The following CDH8 variants were observed in gnomAD, a reference collection of about 807,000 sequenced individuals.
CDH8 encodes the protein cadherin-8.
CDH8 carries 17 observed loss-of-function variants against 68.1 expected under a neutral mutation model. That is an observed-to-expected ratio of 0.25 (90% CI 0.17 to 0.37). CDH8 has a LOEUF of 0.37. Ranked by LOEUF, CDH8 falls within the 10% of genes least tolerant of loss-of-function variation. The pLI is 1.00. For synonymous variants in CDH8, 372 were observed against 365.1 expected, an observed-to-expected ratio of 1.02 and a Z score of -0.21; for missense variants, 763 against 999.3, an observed-to-expected ratio of 0.76 and a Z score of 3.19.
intron 2 of CDH8, among the ~76,000 whole-genome samples, chr16:61,921,805 G>C (rs1964372704): frequency 1.3e-5 from 2 of 152,170 alleles, no homozygotes; most frequent in Non-Finnish European, 2.9e-5. Flanking sequence ...GCTGAGGCAG[G>C]CAGATCACGA....
intron 9 of CDH8, chr16:61,714,380 T>C: frequency 5.4e-6 from 1 of 186,140 alleles, no homozygotes; most frequent in Non-Finnish European, 1.1e-5. Context: ...TCACAACTCT[T>C]TTACTCATCA....
rs542929107 is a variant in CDH8, at chr16:61,833,262, A to C, written c.668-8083T>G. 2.2e-3 allele frequency among the ~76,000 whole-genome samples: 330 copies of C among 151,624 alleles called. 2 individuals are homozygous for C. The highest frequency in any genetic ancestry group is 7.3e-3 in the African/African-American group (302 of 41,452). On this transcript the variant is annotated intron_variant, in intron 4 of 11. Coordinates refer to ENST00000577390, the MANE Select transcript of CDH8 (RefSeq NM_001796.5). ...AAGATGCACATATATATGCACACTCATAGCTGTAAATATGCACATATAAAT... is the reference window on the plus strand; with the variant it reads ...AAGATGCACATATATATGCACACTCCTAGCTGTAAATATGCACATATAAAT...
At chr16:61,790,323 A>C (rs1961350032) in intron 7 of CDH8, among the ~76,000 whole-genome samples, 1 of 152,038 alleles carries the variant, frequency 6.6e-6, no homozygotes, top group Admixed American at 6.6e-5. Context: ...GACATTTATT[A>C]ATATCTTTTT....
intron 10 of CDH8, chr16:61,667,385 T>C (rs542683165): frequency 6.2e-4 from 94 of 152,164 alleles, no homozygotes; most frequent in African/African-American, 2.1e-3. Flanking sequence ...CCCAACAATT[T>C]ACAATTATAC....
At chr16:62,035,525 C>A (rs1426077377) in intron 1 of CDH8, among the ~76,000 whole-genome samples, 1 of 152,166 alleles carries the variant, frequency 6.6e-6, no homozygotes, top group Non-Finnish European at 1.5e-5. Context: ...CGCGCTGGGG[C>A]TTTCGCAGCT....
intron 7 of CDH8, among the ~76,000 whole-genome samples, chr16:61,810,599 T>C (rs1477821442): frequency 6.6e-6 from 1 of 152,204 alleles, no homozygotes; most frequent in Non-Finnish European, 1.5e-5. Flanking sequence ...ATTTTCACTA[T>C]AACATTATTG....
rs531001626 is a variant in CDH8 at position 61,862,195 on chromosome 16, C to A, written c.548-4957G>T. Among the ~76,000 whole-genome samples the A allele has an allele frequency of 5.3e-5, 8 of 151,432 alleles. No homozygotes were observed. In the South Asian group the frequency reaches 1.5e-3, roughly 28 times the overall value. ...GTATCTCATTATCTCATTCTTCCAT[C>A]CAGTCTACTAATCTATCTCACATCA... On this transcript the variant is annotated intron_variant, in intron 3 of 11. Coordinates refer to ENST00000577390, the MANE Select transcript of CDH8 (RefSeq NM_001796.5).
intron 4 of CDH8, among the ~76,000 whole-genome samples, chr16:61,854,032 AT>A (rs945087864): frequency 2.6e-5 from 4 of 151,984 alleles, no homozygotes; most frequent in African/African-American, 9.7e-5. Flanking sequence ...ACAAGCACAT[AT>A]TTACATACAC....
intron 1 of CDH8, among the ~76,000 whole-genome samples, chr16:62,028,190 G>C (rs1170291316): frequency 6.7e-6 from 1 of 149,394 alleles, no homozygotes; most frequent in East Asian, 2.0e-4. Context: ...TCAGCCTCCT[G>C]AGTAGCTGGG....
At chr16:61,722,772 C>G (rs1431746763) in intron 9 of CDH8, among the ~76,000 whole-genome samples, 1 of 150,678 alleles carries the variant, frequency 6.6e-6, no homozygotes, top group Non-Finnish European at 1.5e-5. Flanking sequence ...TAAGTGACTA[C>G]CTTTTTATTT....
chr16:62,006,269 C>T (rs1778637017), intron 2 of CDH8, among the ~76,000 whole-genome samples: 1 of 152,172 alleles, frequency 6.6e-6, no homozygotes, highest in Non-Finnish European at 1.5e-5. Context: ...GAGAGCTTTG[C>T]TCCCATTTCC....
chr16:61,870,416 T>C (rs1026074205), intron 3 of CDH8, among the ~76,000 whole-genome samples: 16 of 152,210 alleles, frequency 1.1e-4, no homozygotes, highest in African/African-American at 4.8e-5. Context: ...CAGTGGAATC[T>C]GAGCTGTTCT....
intron 8 of CDH8, among the ~76,000 whole-genome samples, chr16:61,784,895 C>T (rs1961196406): frequency 6.6e-6 from 1 of 152,082 alleles, no homozygotes. Flanking sequence ...CCAACTAGAA[C>T]AAAGACACAA....
At chr16:61,933,878 A>G (rs554362810) in intron 2 of CDH8, among the ~76,000 whole-genome samples, 2 of 152,332 alleles carry the variant, frequency 1.3e-5, no homozygotes, top group African/African-American at 4.8e-5. Flanking sequence ...TTTAAGTAGT[A>G]TAGCGAGAAC....
intron 4 of CDH8, among the ~76,000 whole-genome samples, chr16:61,830,211 A>G (rs1317739983): frequency 6.6e-6 from 1 of 151,864 alleles, no homozygotes; most frequent in Non-Finnish European, 1.5e-5. Flanking sequence ...TAATGAATAA[A>G]CAAAATTATG....
chr16:61,677,857 T>A (rs1305281424), intron 10 of CDH8, among the ~76,000 whole-genome samples: 1 of 151,732 alleles, frequency 6.6e-6, no homozygotes, highest in Non-Finnish European at 1.5e-5. Context: ...GAAGGAAGGG[T>A]CAGACATGCC....
At chr16:61,769,496 T>C (rs1485406603) in intron 8 of CDH8, among the ~76,000 whole-genome samples, 2 of 151,768 alleles carry the variant, frequency 1.3e-5, no homozygotes, top group Admixed American at 1.3e-4. Context: ...ATCTGTGCTC[T>C]TCACTATCAT....
chr16:61,941,516 C>T (rs1474521517), intron 2 of CDH8, among the ~76,000 whole-genome samples: 1 of 152,208 alleles, frequency 6.6e-6, no homozygotes, highest in East Asian at 1.9e-4. Flanking sequence ...ATGGCACAGT[C>T]TCCGCTCACT....
chr16:61,667,198 A>G (rs1483942377), intron 10 of CDH8: 1 of 151,954 alleles, frequency 6.6e-6, no homozygotes, highest in Non-Finnish European at 1.5e-5. Context: ...ACCTGATGTC[A>G]ATAATCTCCA....
Sources: gnomAD v4.1 joint callset for allele counts (sites outside exome capture counted in the v4.1 genomes callset) on GRCh38, gnomAD v4.1.1 for gene constraint, MANE v1.5 for transcripts, NCBI Gene and HGNC (gene_info 2026-07-23, HGNC 2026-07-21) for gene names.